The following ANKRD36 variants were observed in gnomAD, a reference collection of about 807,000 sequenced individuals.
ANKRD36 encodes ankyrin repeat domain-containing protein 36A.
ANKRD36 carries 179 observed loss-of-function variants against 278.1 expected under a neutral mutation model. The ratio of observed to expected loss-of-function variants is 0.64; its 90% CI spans 0.57 to 0.73. ANKRD36 has a LOEUF of 0.73. Among genes scored for constraint, ANKRD36 ranks in the 30% least tolerant of loss-of-function variants. The pLI is 0.00. For missense variants in ANKRD36, 1,159 were observed against 1,956.7 expected (o/e 0.59, Z 7.69); for synonymous variants, 320 against 641.1 (o/e 0.50, Z 7.57).
At chr2:97,131,253 G>C (rs2040070608) in intron 6 of ANKRD36, among the ~76,000 whole-genome samples, 1 of 151,148 alleles carries the variant, frequency 6.6e-6, no homozygotes, top group South Asian at 2.1e-4. Flanking sequence ...ACAATAGTGT[G>C]ATCATAGCTC....
chr2:97,136,343 T>C (rs1462271269), intron 6 of ANKRD36, among the ~76,000 whole-genome samples: 4 of 151,518 alleles, frequency 2.6e-5, no homozygotes, highest in Non-Finnish European at 4.4e-5. Context: ...GCACTATGCA[T>C]CTCTTTATCT....
At chr2:97,211,028 T>C (rs1271630922) in intron 56 of ANKRD36, among the ~76,000 whole-genome samples, 7 of 151,876 alleles carry the variant, frequency 4.6e-5, no homozygotes, top group Admixed American at 6.6e-5. Context: ...GTGATCAATT[T>C]AGGACACTTC....
At chr2:97,137,177 C>T (rs531051449) in intron 6 of ANKRD36, among the ~76,000 whole-genome samples, 105 of 151,882 alleles carry the variant, frequency 6.9e-4, no homozygotes, top group Non-Finnish European at 1.3e-3. Flanking sequence ...GATGAAGTCT[C>T]ACTTTGTCAC....
chr2:97,124,574 T>C lies in ANKRD36; in HGVS notation c.708T>C (p.Tyr236=), dbSNP rs2037996914. Residue 236 remains tyrosine, a synonymous_variant, in exon 5 of 76, where the codon TAT becomes TAC. Transcript: ENST00000420699. ...RDAFRKIAGD[Y]AIEAKNRVIF... Reference sequence around the variant, plus strand: ...CGTTTCGAAAGATTGCAGGAGATTATGCCATTGAGGCTAAGAATAGAGTGT... The same window carrying C: ...CGTTTCGAAAGATTGCAGGAGATTACGCCATTGAGGCTAAGAATAGAGTGT... 1 of 1,552,732 alleles carries C rather than the reference T, an allele frequency of 6.4e-7. No homozygotes were observed.
chr2:97,155,884 G>T (rs2047304033), intron 15 of ANKRD36, among the ~76,000 whole-genome samples: 1 of 146,296 alleles, frequency 6.8e-6, no homozygotes, highest in Non-Finnish European at 1.5e-5. Context: ...CAACAAACAG[G>T]GAAATGGGCT....
At chr2:97,204,037 T>C (rs1303905784) in intron 48 of ANKRD36, 31 bp from the exon 49 acceptor site, 2 of 1,559,080 alleles carry the variant, frequency 1.3e-6, no homozygotes, top group East Asian at 2.4e-5. Flanking sequence ...TTTTTACATA[T>C]GAGTGATTAG....
chr2:97,157,846 A>G (rs184556533), intron 15 of ANKRD36, among the ~76,000 whole-genome samples: 4 of 152,036 alleles, frequency 2.6e-5, no homozygotes, highest in Admixed American at 6.6e-5. Context: ...GGTTAATAAA[A>G]GAAACTAATG....
At chr2:97,223,169 C>T (rs1434743690) in intron 66 of ANKRD36, among the ~76,000 whole-genome samples, 6 of 143,542 alleles carry the variant, frequency 4.2e-5, no homozygotes, top group Non-Finnish European at 5.9e-5. Context: ...GGCACAATCT[C>T]GGCTCACTGC....
In ANKRD36 at chr2:97,192,973, C is replaced by A; in HGVS notation, c.2377-8C>A. The A allele has an allele frequency of 6.3e-7, 1 of 1,583,898 alleles. No individual in the cohort carries two copies. Among genetic ancestry groups the A allele is most frequent in the Non-Finnish European group, 8.6e-7 (1 of 1,165,252 alleles). On this transcript the variant is annotated splice_region_variant and splice_polypyrimidine_tract_variant and intron_variant, in intron 37 of 75. Coordinates refer to ENST00000420699, the MANE Select transcript of ANKRD36 (RefSeq NM_001354587.1). ...TTAATTTATTATTTCATTTGAAATTCCATTCAGGCTACAAGTGACGAGGAA... is the reference window on the plus strand; with the variant it reads ...TTAATTTATTATTTCATTTGAAATTACATTCAGGCTACAAGTGACGAGGAA...
chr2:97,173,292 C>T (rs2053176477), intron 22 of ANKRD36, among the ~76,000 whole-genome samples: 1 of 150,808 alleles, frequency 6.6e-6, no homozygotes, highest in South Asian at 2.1e-4. Context: ...TCAGTACTGT[C>T]TGCTGGAGAG....
At chr2:97,228,965 C>T (rs1480243363) in intron 67 of ANKRD36, among the ~76,000 whole-genome samples, 1 of 152,102 alleles carries the variant, frequency 6.6e-6, no homozygotes, top group Non-Finnish European at 1.5e-5. Flanking sequence ...GTTTCTTAAT[C>T]CTGAGTTCTA....
intron 26 of ANKRD36, among the ~76,000 whole-genome samples, chr2:97,182,246 G>A (rs2443847): frequency 5.2e-5 from 7 of 133,706 alleles, no homozygotes; most frequent in African/African-American, 1.0e-4. Context: ...GAAGAGGATT[G>A]TCAGGCAGGA....
chr2:97,230,408 C>T (rs1486545986), intron 67 of ANKRD36, among the ~76,000 whole-genome samples: 12 of 152,074 alleles, frequency 7.9e-5, no homozygotes, highest in African/African-American at 4.8e-5. Flanking sequence ...TCACTGATAC[C>T]CTTTCTTCCA....
chr2:97,186,421 A>G (rs2057426369), intron 30 of ANKRD36, among the ~76,000 whole-genome samples: 1 of 150,672 alleles, frequency 6.6e-6, no homozygotes, highest in East Asian at 1.9e-4. Flanking sequence ...GTGATTTCCA[A>G]ATATAAAAGC....
At chr2:97,181,483 A>G in intron 24 of ANKRD36, 115 bp from the exon 25 acceptor site, 1 of 1,377,926 alleles carries the variant, frequency 7.3e-7, no homozygotes, top group Non-Finnish European at 9.6e-7. Flanking sequence ...AGAAAACATC[A>G]AAGCCTACAC....
chr2:97,116,121 TTTCTC>T (rs1463881134), intron 1 of ANKRD36, among the ~76,000 whole-genome samples: 3 of 152,180 alleles, frequency 2.0e-5, no homozygotes, highest in East Asian at 1.9e-4. Flanking sequence ...ATTGTGATAT[TTTCTC>T]TTATCTGTGA....
chr2:97,170,395 A>G (rs2052085958), intron 22 of ANKRD36, among the ~76,000 whole-genome samples: 1 of 152,004 alleles, frequency 6.6e-6, no homozygotes, highest in Admixed American at 6.6e-5. Context: ...CTCAGAAATA[A>G]CGCTGCATAT....
rs1291655479 is a variant in ANKRD36, at chr2:97,194,908, T to C, written c.2542T>C (p.Ser848Pro). 1.3e-5 allele frequency: 20 copies of C among 1,552,408 alleles called. No individual in the cohort carries two copies. Among genetic ancestry groups the C allele is most frequent in the Non-Finnish European group, 1.7e-5 (20 of 1,152,920 alleles). Residue 848 changes from serine to proline, a missense_variant, in exon 40 of 76, where the codon TCT becomes CCT. Coordinates refer to ENST00000420699, the MANE Select transcript of ANKRD36 (RefSeq NM_001354587.1). Reference sequence around the variant, plus strand: ...CAGAGGAAAAAAGGATGGAGAAATATCTAGGAAAGGTAATTTTGCGAAACA... The same window carrying C: ...CAGAGGAAAAAAGGATGGAGAAATACCTAGGAAAGGTAATTTTGCGAAACA... Reference protein sequence around the residue: ...ITRGKKDGEISRKVSSQKPPT... With the variant: ...ITRGKKDGEIPRKVSSQKPPT...
chr2:97,113,717 G>C lies in ANKRD36; in HGVS notation c.-23G>C. On this transcript the variant is annotated 5_prime_UTR_variant, in exon 1 of 76. Transcript: ENST00000420699. ...AAGGCGAGCTGAAATACGGCTGCAG[G>C]CTACAATTTGCAGCCGACGATTATG... 1 of 1,611,464 alleles carries C rather than the reference G, an allele frequency of 6.2e-7. No homozygotes were observed. Among genetic ancestry groups the C allele is most frequent in the South Asian group, 1.1e-5 (1 of 90,860 alleles).
Sources: allele counts gnomAD v4.1 joint callset (sites outside exome capture counted in the v4.1 genomes callset), GRCh38; gene constraint gnomAD v4.1.1; transcripts MANE v1.5; gene names NCBI Gene and HGNC (gene_info 2026-07-23, HGNC 2026-07-21).